The following SNX18 variants were observed in gnomAD, a reference collection of about 807,000 sequenced individuals.
The protein encoded by SNX18 is sorting nexin-18.
SNX18 carries 35 observed loss-of-function variants against 48.7 expected under a neutral mutation model. The observed-to-expected ratio is 0.72, with a 90% confidence interval of 0.55 to 0.95. The LOEUF (loss-of-function observed/expected upper bound fraction) is 0.95. Ranked by LOEUF, SNX18 falls within the 40% of genes least tolerant of loss-of-function variation. The pLI is 0.00. For synonymous variants in SNX18, 492 were observed against 384.7 expected (o/e 1.28, Z -3.26); for missense variants, 824 against 871.0 (o/e 0.95, Z 0.68).
the SNX18 span, among the ~76,000 whole-genome samples, chr5:54,639,221 T>G: frequency 6.6e-6 from 1 of 152,174 alleles, no homozygotes; most frequent in African/African-American, 2.4e-5. Flanking sequence ...AACTTATAGT[T>G]TATAACCAGC....
chr5:54,607,592 C>T, the SNX18 span, among the ~76,000 whole-genome samples: 1 of 152,160 alleles, frequency 6.6e-6, no homozygotes, highest in Non-Finnish European at 1.5e-5. Context: ...AACCATTCAC[C>T]TGTTGAAGGA....
chr5:54,546,951 A>T (rs1168589641), downstream of SNX18, among the ~76,000 whole-genome samples: 1 of 152,264 alleles, frequency 6.6e-6, no homozygotes, highest in Non-Finnish European at 1.5e-5. Context: ...ACTCCAACAC[A>T]CATAAGCCAA....
At chr5:54,627,182 C>T in the SNX18 span, among the ~76,000 whole-genome samples, 5 of 152,148 alleles carry the variant, frequency 3.3e-5, no homozygotes, top group Admixed American at 6.5e-5. Flanking sequence ...ACATCTACAT[C>T]CTGATTTTAA....
the SNX18 span, among the ~76,000 whole-genome samples, chr5:54,623,006 G>C: frequency 6.6e-6 from 1 of 152,162 alleles, no homozygotes; most frequent in Non-Finnish European, 1.5e-5. Context: ...ATCATTTCTT[G>C]AGTGTTCTTT....
At chr5:54,529,275 T>G (rs1174411607) in intron 1 of SNX18, among the ~76,000 whole-genome samples, 3 of 152,054 alleles carry the variant, frequency 2.0e-5, no homozygotes, top group African/African-American at 7.2e-5. Context: ...GCCTGCAGAT[T>G]AGAGTCTCTG....
chr5:54,540,045 G>A (rs912339563), intron 1 of SNX18, among the ~76,000 whole-genome samples: 1 of 151,858 alleles, frequency 6.6e-6, no homozygotes, highest in African/African-American at 2.4e-5. Flanking sequence ...CTAAAAATGA[G>A]TCCCAAATTC....
chr5:54,622,954 A>G, the SNX18 span, among the ~76,000 whole-genome samples: 1 of 152,258 alleles, frequency 6.6e-6, no homozygotes. Context: ...AATAAATATC[A>G]AATTCTTTAA....
the SNX18 span, among the ~76,000 whole-genome samples, chr5:54,628,010 C>T: frequency 6.6e-6 from 1 of 152,164 alleles, no homozygotes; most frequent in African/African-American, 2.4e-5. Flanking sequence ...CAGCGAGACC[C>T]TATTAAGTCC....
the SNX18 span, among the ~76,000 whole-genome samples, chr5:54,594,733 G>C: frequency 9.2e-5 from 14 of 152,110 alleles, no homozygotes; most frequent in Non-Finnish European, 1.9e-4. Context: ...AGATTCAGGG[G>C]TATTACGTGA....
chr5:54,581,242 T>C, the SNX18 span, among the ~76,000 whole-genome samples: 1 of 152,114 alleles, frequency 6.6e-6, no homozygotes, highest in East Asian at 1.9e-4. Flanking sequence ...TGAATAAATA[T>C]AGTTGCATGC....
At chr5:54,595,380 C>T in the SNX18 span, among the ~76,000 whole-genome samples, 1 of 152,082 alleles carries the variant, frequency 6.6e-6, no homozygotes, top group Non-Finnish European at 1.5e-5. Flanking sequence ...GGACTACAGG[C>T]ACGCGCCACC....
chr5:54,556,166 A>G, the SNX18 span, among the ~76,000 whole-genome samples: 1 of 152,238 alleles, frequency 6.6e-6, no homozygotes, highest in Non-Finnish European at 1.5e-5. Flanking sequence ...TGATGCTGCA[A>G]TGAACATCCT....
chr5:54,640,091 A>G, the SNX18 span, among the ~76,000 whole-genome samples: 1 of 152,190 alleles, frequency 6.6e-6, no homozygotes, highest in Admixed American at 6.5e-5. Context: ...GTGGTGTCCA[A>G]TATCTTATCC....
intron 1 of SNX18, among the ~76,000 whole-genome samples, chr5:54,537,143 A>G (rs1440996475): frequency 6.6e-6 from 1 of 152,236 alleles, no homozygotes; most frequent in African/African-American, 2.4e-5. Flanking sequence ...CGGCCTGGAC[A>G]ACATGGTGAA....
At chr5:54,576,834 C>T in the SNX18 span, among the ~76,000 whole-genome samples, 2 of 152,192 alleles carry the variant, frequency 1.3e-5, no homozygotes, top group Non-Finnish European at 2.9e-5. Context: ...CAGAGTCTCA[C>T]TCTGTCGCCC....
the SNX18 span, among the ~76,000 whole-genome samples, chr5:54,571,171 C>T: frequency 2.0e-5 from 3 of 151,800 alleles, no homozygotes; most frequent in African/African-American, 7.3e-5. Context: ...TTTCCTTGGC[C>T]CCATTTGTGA....
the SNX18 span, chr5:54,644,424 G>A: frequency 6.6e-6 from 1 of 152,186 alleles, no homozygotes; most frequent in Admixed American, 6.5e-5. Flanking sequence ...TACTAACCAC[G>A]GGTGAGTAAC....
the SNX18 span, among the ~76,000 whole-genome samples, chr5:54,573,442 T>A: frequency 6.6e-6 from 1 of 152,190 alleles, no homozygotes; most frequent in African/African-American, 2.4e-5. Flanking sequence ...TAGCTGGGAT[T>A]ACAGTCGTGA....
the SNX18 span, among the ~76,000 whole-genome samples, chr5:54,642,531 CT>C: frequency 6.6e-6 from 1 of 152,116 alleles, no homozygotes; most frequent in East Asian, 1.9e-4. Context: ...TGGAATGAAA[CT>C]TTTTGACCTG....
Sources: gnomAD v4.1 joint callset for allele counts (sites outside exome capture counted in the v4.1 genomes callset) on GRCh38, gnomAD v4.1.1 for gene constraint, MANE v1.5 for transcripts, NCBI Gene and HGNC (gene_info 2026-07-23, HGNC 2026-07-21) for gene names.